The following RALGAPA2 variants were observed in gnomAD, a reference collection of about 807,000 sequenced individuals.
The protein encoded by RALGAPA2 is ral GTPase-activating protein subunit alpha-2.
RALGAPA2 carries 139 observed loss-of-function variants against 230.4 expected under a neutral mutation model. The ratio of observed to expected loss-of-function variants is 0.60; its 90% CI spans 0.53 to 0.69. RALGAPA2 has a LOEUF of 0.69. Ranked by LOEUF, RALGAPA2 falls within the 30% of genes least tolerant of loss-of-function variation. RALGAPA2 has a pLI of 0.00. For missense variants in RALGAPA2, 2,163 were observed against 2,276.0 expected, an observed-to-expected ratio of 0.95 and a Z score of 1.01; for synonymous variants, 847 against 837.8, an observed-to-expected ratio of 1.01 and a Z score of -0.19.
At chr20:20,629,222 T>C (rs2066589118) in intron 10 of RALGAPA2, 141 bp downstream of exon 10, 1 of 692,532 alleles carries the variant, frequency 1.4e-6, no homozygotes, top group Non-Finnish European at 2.5e-6. Context: ...TTCTTTATTA[T>C]TCAGTTCTGT....
At chr20:20,406,931 G>T (rs898629835) in intron 38 of RALGAPA2, among the ~76,000 whole-genome samples, 9 of 152,176 alleles carry the variant, frequency 5.9e-5, no homozygotes, top group African/African-American at 2.2e-4. Context: ...TGTATTATCT[G>T]AATAGAGTAA....
At position 20,397,210 on chromosome 20, in the gene RALGAPA2, T is replaced by C. The variant is rs184477203; in HGVS notation, c.5618-476A>G. 3.4e-3 allele frequency among the ~76,000 whole-genome samples: 513 copies of C among 152,358 alleles called. 1 individual carries two copies. Among genetic ancestry groups the C allele is most frequent in the Middle Eastern group, 6.8e-3 (2 of 294 alleles). ...GTTTACATGTCTCCAAGTTTCATTT[T>C]ACAGGTTTCTGAGTTATACACAGTG... On this transcript the variant is annotated intron_variant, in intron 38 of 39. Coordinates refer to ENST00000202677, the MANE Select transcript of RALGAPA2 (RefSeq NM_020343.4).
intron 1 of RALGAPA2, among the ~76,000 whole-genome samples, chr20:20,705,353 A>C (rs908064754): frequency 6.6e-6 from 1 of 151,162 alleles, no homozygotes. Flanking sequence ...ACCACAGCAC[A>C]TGCAACCATA....
intron 39 of RALGAPA2, 141 bp from the exon 40 acceptor site, chr20:20,393,394 G>A (rs900918058): frequency 2.1e-5 from 10 of 485,298 alleles, no homozygotes; most frequent in Admixed American, 8.8e-5. Flanking sequence ...ACGCTATGCC[G>A]GCAAAGATGT....
At chr20:20,646,118 G>A (rs1033686254) in intron 4 of RALGAPA2, among the ~76,000 whole-genome samples, 3 of 151,594 alleles carry the variant, frequency 2.0e-5, no homozygotes, top group Non-Finnish European at 4.4e-5. Context: ...GCAGTGGCGC[G>A]ATCTCAGCTT....
chr20:20,594,669 T>A (rs184028419), intron 16 of RALGAPA2, among the ~76,000 whole-genome samples: 153 of 152,158 alleles, frequency 1.0e-3, no homozygotes, highest in Non-Finnish European at 1.7e-3. Flanking sequence ...TTAAAAGCAC[T>A]AACTTTCTCG....
intron 36 of RALGAPA2, among the ~76,000 whole-genome samples, chr20:20,476,238 A>G (rs1194184319): frequency 6.6e-6 from 1 of 152,200 alleles, no homozygotes; most frequent in Non-Finnish European, 1.5e-5. Context: ...TTCTAAGTTC[A>G]TAAGGAAATG....
At chr20:20,452,266 T>C (rs551396687) in intron 37 of RALGAPA2, among the ~76,000 whole-genome samples, 4 of 152,220 alleles carry the variant, frequency 2.6e-5, no homozygotes, top group African/African-American at 9.6e-5. Flanking sequence ...TTTTATATAG[T>C]GACCCAAAAG....
chr20:20,426,804 G>T (rs1208617161), intron 37 of RALGAPA2, among the ~76,000 whole-genome samples: 6 of 152,182 alleles, frequency 3.9e-5, no homozygotes, highest in Admixed American at 3.3e-4. Flanking sequence ...GCATAAGTGA[G>T]CCCCCGGCCA....
At chr20:20,694,962 C>G (rs1413319900) in intron 1 of RALGAPA2, among the ~76,000 whole-genome samples, 1 of 152,068 alleles carries the variant, frequency 6.6e-6, no homozygotes, top group African/African-American at 2.4e-5. Context: ...AATTGTAGAA[C>G]CAGAAAAAGC....
chr20:20,596,912 G>C (rs2065471908), intron 16 of RALGAPA2, among the ~76,000 whole-genome samples: 1 of 152,150 alleles, frequency 6.6e-6, no homozygotes, highest in African/African-American at 2.4e-5. Flanking sequence ...TGTCCCACTT[G>C]TGACAATTAA....
intron 4 of RALGAPA2, among the ~76,000 whole-genome samples, chr20:20,645,458 T>C (rs1340084524): frequency 6.6e-6 from 1 of 152,036 alleles, no homozygotes; most frequent in Non-Finnish European, 1.5e-5. Flanking sequence ...TAGATGCCTA[T>C]AACCACTGTT....
At chr20:20,552,684 C>T (rs1050160144) in intron 23 of RALGAPA2, among the ~76,000 whole-genome samples, 2 of 152,144 alleles carry the variant, frequency 1.3e-5, no homozygotes, top group East Asian at 3.8e-4. Context: ...CAGCCACGAT[C>T]CTGCAGTACT....
chr20:20,635,688 T>C, intron 8 of RALGAPA2, 71 bp from the exon 9 acceptor site: 2 of 1,315,418 alleles, frequency 1.5e-6, no homozygotes, highest in Non-Finnish European at 2.1e-6. Context: ...TACAAATGTT[T>C]TGGTTTCCAA....
chr20:20,583,486 C>T (rs76562509), intron 19 of RALGAPA2, among the ~76,000 whole-genome samples: 229 of 152,258 alleles, frequency 1.5e-3, no homozygotes, highest in Non-Finnish European at 2.9e-3. Context: ...CACTCTTCAA[C>T]GTGTCTTCAC....
intron 37 of RALGAPA2, among the ~76,000 whole-genome samples, chr20:20,417,605 C>T (rs2060192089): frequency 6.6e-6 from 1 of 152,214 alleles, no homozygotes; most frequent in African/African-American, 2.4e-5. Context: ...TTAACATTCA[C>T]AGGTTCCAGG....
At position 20,616,061 on chromosome 20, in the gene RALGAPA2, G is replaced by GT; in HGVS notation, c.1669dup (p.Thr557AsnfsTer4). ...AACTTACCATGTCTTTTTATTCATT[G>GT]TAAGCTCCATTATCATGCGCCTAAA... On this transcript the variant is annotated frameshift_variant, in exon 13 of 40. Transcript: ENST00000202677. LOFTEE classifies it high-confidence loss of function. 6.6e-7 allele frequency: 1 copy of GT among 1,524,466 alleles called. No homozygotes were observed. Among genetic ancestry groups the GT allele is most frequent in the Non-Finnish European group, 8.8e-7 (1 of 1,136,862 alleles). The allele number at this position is 1,524,466 out of a possible 1,614,324, so 94.4% of individuals were successfully genotyped here.
At chr20:20,626,043 C>T (rs950425949) in intron 10 of RALGAPA2, among the ~76,000 whole-genome samples, 9 of 152,218 alleles carry the variant, frequency 5.9e-5, no homozygotes, top group Admixed American at 6.5e-5. Context: ...CACTCATGGA[C>T]ATCTGATCTA....
intron 23 of RALGAPA2, among the ~76,000 whole-genome samples, chr20:20,555,892 TTTTA>T (rs778448720): frequency 1.2e-4 from 18 of 152,188 alleles, no homozygotes; most frequent in Non-Finnish European, 2.6e-4. Context: ...TCTGAATGGC[TTTTA>T]TTTCATTTTC....
Sources: gnomAD v4.1 joint callset for allele counts (sites outside exome capture counted in the v4.1 genomes callset) on GRCh38, gnomAD v4.1.1 for gene constraint, MANE v1.5 for transcripts, NCBI Gene and HGNC (gene_info 2026-07-23, HGNC 2026-07-21) for gene names.